The following ADGRL3 variants were observed in gnomAD, a reference collection of about 807,000 sequenced individuals.
The protein encoded by ADGRL3 is calcium-independent alpha-latrotoxin receptor 3.
In ADGRL3, 62 loss-of-function variants were observed where a neutral mutation model predicts 153.5. That is an observed-to-expected ratio of 0.40 (90% CI 0.33 to 0.50). The LOEUF (loss-of-function observed/expected upper bound fraction) is 0.50, where lower values mean the gene tolerates loss of function less well. ADGRL3 is among the 20% of genes least tolerant of loss of function. ADGRL3 has a pLI of 0.47. For synonymous variants in ADGRL3, 710 were observed against 672.5 expected, an observed-to-expected ratio of 1.06 and a Z score of -0.86; for missense variants, 1,641 against 1,859.4, an observed-to-expected ratio of 0.88 and a Z score of 2.16.
intron 2 of ADGRL3, among the ~76,000 whole-genome samples, chr4:61,417,630 A>C (rs1470649985): frequency 2.0e-5 from 3 of 152,148 alleles, no homozygotes; most frequent in Admixed American, 1.3e-4. Flanking sequence ...TTATTCTTGA[A>C]AAAATTTAGA....
intron 1 of ADGRL3, among the ~76,000 whole-genome samples, chr4:61,331,446 A>ACT (rs2095571085): frequency 1.3e-5 from 2 of 152,194 alleles, no homozygotes; most frequent in African/African-American, 4.8e-5. Flanking sequence ...TTTATTTAAA[A>ACT]GTAAAGTTAA....
rs1171979679 is a variant in ADGRL3 at position 61,408,078 on chromosome 4, A to G, written c.-174+24889A>G. 2.0e-5 allele frequency among the ~76,000 whole-genome samples: 3 copies of G among 152,112 alleles called. No individual in the cohort carries two copies. The East Asian group carries it at 5.8e-4, about 29-fold the overall frequency. On this transcript the variant is annotated intron_variant, in intron 2 of 26. Transcript: ENST00000683033. ...GGATTGTGGAGCCACGCGAGGGAAG[A>G]GGAAAGGAAATAAGAGAAAAACAAA...
At chr4:61,749,603 A>C (rs987497617) in intron 8 of ADGRL3, among the ~76,000 whole-genome samples, 4 of 152,100 alleles carry the variant, frequency 2.6e-5, no homozygotes, top group Admixed American at 6.6e-5. Context: ...GTAAACTATC[A>C]CAAGAACAAA....
chr4:62,041,708 G>T (rs1408844538), intron 24 of ADGRL3, among the ~76,000 whole-genome samples: 1 of 151,880 alleles, frequency 6.6e-6, no homozygotes. Context: ...TTTAAAAATG[G>T]TATTTTTTGT....
At chr4:61,922,944 T>C (rs2098776947) in intron 13 of ADGRL3, among the ~76,000 whole-genome samples, 1 of 152,172 alleles carries the variant, frequency 6.6e-6, no homozygotes, top group South Asian at 2.1e-4. Flanking sequence ...TATGAGTAAA[T>C]ATGACCTTTT....
intron 11 of ADGRL3, chr4:61,906,352 A>G (rs1413843282): frequency 2.0e-5 from 3 of 152,132 alleles, no homozygotes. Flanking sequence ...ATTTATTAAC[A>G]TTAGTGTCAA....
At chr4:61,848,285 A>G (rs2098161387) in intron 9 of ADGRL3, among the ~76,000 whole-genome samples, 1 of 150,244 alleles carries the variant, frequency 6.7e-6, no homozygotes, top group Non-Finnish European at 1.5e-5. Flanking sequence ...CTGAAGGCTT[A>G]AAGTCCAAAA....
intron 2 of ADGRL3, among the ~76,000 whole-genome samples, chr4:61,486,371 A>G (rs2098193935): frequency 6.6e-6 from 1 of 152,174 alleles, no homozygotes; most frequent in African/African-American, 2.4e-5. Context: ...TTTATAACAC[A>G]CATTGTCACT....
intron 8 of ADGRL3, among the ~76,000 whole-genome samples, chr4:61,804,943 TTATTTATTTTTA>T (rs2097537221): frequency 6.8e-6 from 1 of 147,004 alleles, no homozygotes; most frequent in African/African-American, 2.5e-5. Context: ...ATTTATTTAT[TTATTTATTTTTA>T]TTTATTTATT....
intron 8 of ADGRL3, among the ~76,000 whole-genome samples, chr4:61,757,383 T>C (rs1189762367): frequency 6.6e-6 from 1 of 152,230 alleles, no homozygotes; most frequent in Non-Finnish European, 1.5e-5. Context: ...TTCCATTTCT[T>C]CTAGATTTTC....
At chr4:61,783,822 A>C (rs2097244393) in intron 8 of ADGRL3, among the ~76,000 whole-genome samples, 1 of 152,090 alleles carries the variant, frequency 6.6e-6, no homozygotes, top group South Asian at 2.1e-4. Flanking sequence ...GTTATGCATC[A>C]TGTGGATTTA....
intron 1 of ADGRL3, among the ~76,000 whole-genome samples, chr4:61,378,659 G>A (rs530905497): frequency 1.3e-5 from 2 of 152,018 alleles, no homozygotes; most frequent in Admixed American, 6.6e-5. Flanking sequence ...TTTGGAGTAG[G>A]GTGGTGTCAA....
chr4:61,795,527 C>A (rs1011046887), intron 8 of ADGRL3, among the ~76,000 whole-genome samples: 1 of 152,156 alleles, frequency 6.6e-6, no homozygotes, highest in African/African-American at 2.4e-5. Flanking sequence ...ATCATTTGAA[C>A]TCATTTCCAT....
At chr4:61,268,900 G>A (rs1399566358) in intron 1 of ADGRL3, among the ~76,000 whole-genome samples, 2 of 151,528 alleles carry the variant, frequency 1.3e-5, no homozygotes, top group Non-Finnish European at 3.0e-5. Flanking sequence ...GGGAAAATAA[G>A]TAATTGCGTC....
intron 4 of ADGRL3, among the ~76,000 whole-genome samples, chr4:61,560,051 TA>T (rs2098788105): frequency 6.6e-6 from 1 of 152,088 alleles, no homozygotes; most frequent in Non-Finnish European, 1.5e-5. Flanking sequence ...ATTCCTTCTT[TA>T]AAAAGGCTTC....
intron 26 of ADGRL3, 80 bp from the exon 27 acceptor site, chr4:62,070,029 A>G: frequency 9.0e-7 from 1 of 1,109,848 alleles, no homozygotes; most frequent in Admixed American, 2.2e-5. Flanking sequence ...TAGTCAATGA[A>G]TGTTTTTGCT....
chr4:61,750,065 G>C (rs944131867), intron 8 of ADGRL3, among the ~76,000 whole-genome samples: 1 of 151,272 alleles, frequency 6.6e-6, no homozygotes, highest in African/African-American at 2.4e-5. Context: ...GCTGAACCGT[G>C]CCACTATTCT....
chr4:61,335,006 A>G (rs548077304), intron 1 of ADGRL3, among the ~76,000 whole-genome samples: 2 of 152,264 alleles, frequency 1.3e-5, no homozygotes, highest in East Asian at 3.9e-4. Context: ...TATGAAGTGA[A>G]TTCATAACTC....
intron 8 of ADGRL3, among the ~76,000 whole-genome samples, chr4:61,744,510 G>C (rs2096627602): frequency 6.6e-6 from 1 of 152,102 alleles, no homozygotes; most frequent in Admixed American, 6.5e-5. Flanking sequence ...ACTCCTCTGA[G>C]ACAAAAATTC....
Sources: allele counts gnomAD v4.1 joint callset (sites outside exome capture counted in the v4.1 genomes callset), GRCh38; gene constraint gnomAD v4.1.1; transcripts MANE v1.5; gene names NCBI Gene and HGNC (gene_info 2026-07-23, HGNC 2026-07-21).